Variants in ATP2B2 observed in about 807,000 individuals in gnomAD.
The protein encoded by ATP2B2 is ATPase plasma membrane Ca2+ transporting 2, also known as plasma membrane calcium-transporting ATPase 2.
A neutral mutation model predicts 120.0 loss-of-function variants in ATP2B2; 15 were observed. That is an observed-to-expected ratio of 0.12 (90% CI 0.08 to 0.19). The LOEUF is 0.19. Ranked by LOEUF, ATP2B2 falls within the 10% of genes least tolerant of loss-of-function variation. The pLI is 1.00. For missense variants in ATP2B2, 1,045 were observed against 1,719.8 expected (o/e 0.61, Z 6.94); for synonymous variants, 694 against 700.3 (o/e 0.99, Z 0.14).
At chr3:10,535,672 T>C (rs968487837) in intron 2 of ATP2B2, among the ~76,000 whole-genome samples, 1 of 152,238 alleles carries the variant, frequency 6.6e-6, no homozygotes, top group Non-Finnish European at 1.5e-5. Context: ...TCCCTGGAGA[T>C]TCCTCTAGGT....
At chr3:10,684,944 G>A (rs1266261040) in intron 1 of ATP2B2, among the ~76,000 whole-genome samples, 1 of 152,224 alleles carries the variant, frequency 6.6e-6, no homozygotes, top group Admixed American at 6.5e-5. Context: ...GTTCAGGTCA[G>A]AGGGGACAGG....
In ATP2B2 at chr3:10,575,773, G is replaced by A. The variant is rs376265099; in HGVS notation, c.-414-41640C>T. On this transcript the variant is annotated intron_variant, in intron 2 of 21. Coordinates refer to the ATP2B2 transcript ENST00000646379. ...CTGGTGTCTGAGGGAAGTTGTGCTGGCAGGGAGGCTCTATGTAGGGTTGCA... is the reference window on the plus strand; with the variant it reads ...CTGGTGTCTGAGGGAAGTTGTGCTGACAGGGAGGCTCTATGTAGGGTTGCA... Among the ~76,000 whole-genome samples, 369 of 152,300 alleles carry A rather than the reference G, an allele frequency of 2.4e-3. 1 individual carries two copies. Among genetic ancestry groups the A allele is most frequent in the African/African-American group, 8.5e-3 (355 of 41,558 alleles).
intron 1 of ATP2B2, among the ~76,000 whole-genome samples, chr3:10,474,586 C>G (rs73119435): frequency 0.05 from 7,566 of 152,284 alleles, 632 homozygotes; most frequent in African/African-American, 0.17. Context: ...TTGGCTCCCA[C>G]TGCCCTCAGA....
chr3:10,633,891 A>G (rs2069944517), intron 1 of ATP2B2, among the ~76,000 whole-genome samples: 1 of 152,102 alleles, frequency 6.6e-6, no homozygotes, highest in Non-Finnish European at 1.5e-5. Flanking sequence ...AATGCCTGAT[A>G]CTCACTTTCC....
chr3:10,687,416 G>A (rs1275145812), intron 1 of ATP2B2, among the ~76,000 whole-genome samples: 1 of 152,198 alleles, frequency 6.6e-6, no homozygotes, highest in East Asian at 1.9e-4. Context: ...TGAATCAAAT[G>A]TAAGCTGCCT....
intron 22 of ATP2B2, 68 bp downstream of exon 22, chr3:10,338,108 C>T (rs940630918): frequency 2.8e-5 from 45 of 1,601,356 alleles, no homozygotes; most frequent in Admixed American, 1.7e-4. Context: ...GCAGCACAAG[C>T]ACACTCACCT....
chr3:10,661,311 T>C (rs7651381), intron 1 of ATP2B2, among the ~76,000 whole-genome samples: 33,280 of 151,764 alleles, frequency 0.22, 6,123 homozygotes, highest in African/African-American at 0.5. Flanking sequence ...TCAAATTGTC[T>C]CTGTTTGCAG....
chr3:10,679,564 A>G (rs1344673769), intron 1 of ATP2B2, among the ~76,000 whole-genome samples: 4 of 152,266 alleles, frequency 2.6e-5, no homozygotes, highest in African/African-American at 9.6e-5. Context: ...AGGGGCCAAC[A>G]CTGAAGTTAA....
At chr3:10,519,019 T>C (rs1260632360) in intron 3 of ATP2B2, among the ~76,000 whole-genome samples, 3 of 152,278 alleles carry the variant, frequency 2.0e-5, no homozygotes, top group Admixed American at 2.0e-4. Context: ...CACTAGGCCC[T>C]GTCTAAACAC....
At chr3:10,453,676 G>A (rs1408168148) in intron 1 of ATP2B2, among the ~76,000 whole-genome samples, 2 of 152,178 alleles carry the variant, frequency 1.3e-5, no homozygotes, top group Non-Finnish European at 2.9e-5. Flanking sequence ...TGCTACCTGC[G>A]GAGTGGCTTA....
intron 1 of ATP2B2, among the ~76,000 whole-genome samples, chr3:10,464,150 T>C (rs2125247983): frequency 6.6e-6 from 1 of 152,306 alleles, no homozygotes; most frequent in East Asian, 1.9e-4. Context: ...CCCTGGCCAC[T>C]GCGGAGACGA....
chr3:10,449,578 G>C lies in ATP2B2; in HGVS notation c.-35C>G, dbSNP rs781195747. Reference sequence around the variant, plus strand: ...GGTCCTTGCTCGGGCTGGGCCCAAGGGTCAGCGCTGGACAAGAGGCTGCCG... The same window carrying C: ...GGTCCTTGCTCGGGCTGGGCCCAAGCGTCAGCGCTGGACAAGAGGCTGCCG... On this transcript the variant is annotated 5_prime_UTR_variant, in exon 2 of 23. Coordinates refer to ENST00000360273, the MANE Select transcript of ATP2B2 (RefSeq NM_001001331.4). 1.9e-6 allele frequency: 3 copies of C among 1,613,110 alleles called. No homozygotes were observed. In the South Asian group the frequency reaches 3.3e-5, roughly 18 times the overall value.
In ATP2B2 at chr3:10,325,052, G is replaced by C. The variant is rs369160783; in HGVS notation, c.*3762C>G. The stretch of plus-strand genomic sequence containing the variant: ...TGACAACTCCTGGGCTTAGGGGGCA[G>C]GTGAAATGATGGGAGGAACAGCAGG... On this transcript the variant is annotated 3_prime_UTR_variant, in exon 23 of 23. Coordinates refer to ENST00000360273, the MANE Select transcript of ATP2B2 (RefSeq NM_001001331.4). 6.6e-6 allele frequency: 1 copy of C among 152,210 alleles called. No individual in the cohort carries two copies. Among genetic ancestry groups the C allele is most frequent in the Non-Finnish European group, 1.5e-5 (1 of 68,048 alleles). The allele number at this position is 152,210 out of a possible 1,614,324, so 9.4% of individuals were successfully genotyped here.
chr3:10,416,448 G>A (rs1286972234), intron 2 of ATP2B2, among the ~76,000 whole-genome samples: 1 of 152,118 alleles, frequency 6.6e-6, no homozygotes, highest in Non-Finnish European at 1.5e-5. Context: ...GTTTCATTTG[G>A]TCTGCCCGGT....
chr3:10,577,993 A>G (rs1300037431), intron 2 of ATP2B2, among the ~76,000 whole-genome samples: 13 of 152,150 alleles, frequency 8.5e-5, no homozygotes, highest in Non-Finnish European at 1.5e-5. Flanking sequence ...CAGTCCCGAA[A>G]TCCAGAATCC....
In ATP2B2 at chr3:10,326,974, G is replaced by C; in HGVS notation, c.*1840C>G. On this transcript the variant is annotated 3_prime_UTR_variant, in exon 23 of 23. Coordinates refer to ENST00000360273, the MANE Select transcript of ATP2B2 (RefSeq NM_001001331.4). ...AGCATGAGGAATGGATTTTGCAAGA[G>C]AGGCGGAAAGTGTTTGGTTTTCCTC... is the stretch of plus-strand genomic sequence containing the variant. 2 of 398,326 alleles carry C rather than the reference G, an allele frequency of 5.0e-6. No homozygotes were observed. Among genetic ancestry groups the C allele is most frequent in the Admixed American group, 4.4e-5 (1 of 22,744 alleles). The allele number at this position is 398,326 out of a possible 1,614,324, so 24.7% of individuals were successfully genotyped here. A position where few individuals can be genotyped will look rare whatever the true frequency, so the allele number is the denominator to read the frequency against.
upstream of ATP2B2, among the ~76,000 whole-genome samples, chr3:10,510,003 G>A (rs2066728025): frequency 1.3e-5 from 2 of 152,228 alleles, no homozygotes; most frequent in African/African-American, 4.8e-5. Flanking sequence ...AGAAACAGAA[G>A]GTGAGAGTCT....
intron 2 of ATP2B2, among the ~76,000 whole-genome samples, chr3:10,443,547 G>C (rs935093977): frequency 1.4e-5 from 2 of 143,808 alleles, no homozygotes; most frequent in African/African-American, 6.0e-5. Flanking sequence ...ATGTTAACCC[G>C]AAGCTGCCGG....
In ATP2B2 at chr3:10,633,120, G is replaced by A. The variant is rs2069915955; in HGVS notation, c.-459-13159C>T. 2.6e-5 allele frequency among the ~76,000 whole-genome samples: 4 copies of A among 152,230 alleles called. No individual in the cohort carries two copies. The South Asian group carries it at 8.3e-4, about 32-fold the overall frequency. On this transcript the variant is annotated intron_variant, in intron 1 of 21. Transcript: ENST00000646379. ...ATGTGGGCCTGGGAGTGGAATCCTT[G>A]CTCTTCCACCTCCCAGCTGTGTGAC...
Sources: gnomAD v4.1 joint callset for allele counts (sites outside exome capture counted in the v4.1 genomes callset) on GRCh38, gnomAD v4.1.1 for gene constraint, MANE v1.5 for transcripts, NCBI Gene and HGNC (gene_info 2026-07-23, HGNC 2026-07-21) for gene names.